The following FSHR variants were observed in gnomAD, a reference collection of about 807,000 sequenced individuals.
The protein encoded by FSHR is follicle-stimulating hormone receptor.
A neutral mutation model predicts 52.1 loss-of-function variants in FSHR; 46 were observed. The ratio of observed to expected loss-of-function variants is 0.88; its 90% confidence interval spans 0.70 to 1.13. The LOEUF is 1.13. FSHR is among the 50% of genes most tolerant of loss of function. The probability of loss-of-function intolerance (pLI) is 0.00; values close to 1 mark genes in which losing one functional copy is unlikely to be tolerated. For synonymous variants in FSHR, 399 were observed against 309.6 expected, an observed-to-expected ratio of 1.29 and a Z score of -3.03; for missense variants, 964 against 834.6, an observed-to-expected ratio of 1.16 and a Z score of -1.91.
intron 1 of FSHR, among the ~76,000 whole-genome samples, chr2:49,128,735 C>T (rs1672154219): frequency 6.6e-6 from 1 of 151,706 alleles, no homozygotes; most frequent in African/African-American, 2.4e-5. Context: ...AGGACAGAAA[C>T]AGCTAGCTGC....
intron 6 of FSHR, 72 bp downstream of exon 6, chr2:48,988,905 C>T: frequency 7.8e-7 from 1 of 1,284,862 alleles, no homozygotes; most frequent in East Asian, 2.4e-5. Context: ...AAAGGAGCAT[C>T]CAATTATGAG....
intron 2 of FSHR, among the ~76,000 whole-genome samples, chr2:49,033,117 T>C (rs1332432674): frequency 6.6e-6 from 1 of 152,186 alleles, no homozygotes; most frequent in Non-Finnish European, 1.5e-5. Context: ...GATACAGGAA[T>C]TACCATAGCA....
intron 1 of FSHR, among the ~76,000 whole-genome samples, chr2:49,101,114 T>A (rs1226483831): frequency 6.6e-6 from 1 of 152,146 alleles, no homozygotes; most frequent in Non-Finnish European, 1.5e-5. Flanking sequence ...GGGAAGACAT[T>A]TGATTGCACT....
chr2:49,114,381 C>A (rs1671528435), intron 1 of FSHR, among the ~76,000 whole-genome samples: 2 of 152,176 alleles, frequency 1.3e-5, no homozygotes, highest in Admixed American at 6.5e-5. Context: ...TTTTACATAA[C>A]ATGTCAGAAC....
chr2:48,985,968 C>A (rs1427561924), intron 6 of FSHR, among the ~76,000 whole-genome samples: 2 of 152,134 alleles, frequency 1.3e-5, no homozygotes, highest in Non-Finnish European at 2.9e-5. Flanking sequence ...CCGCCTCGGC[C>A]TCCCAAAGTG....
intron 2 of FSHR, among the ~76,000 whole-genome samples, chr2:49,064,482 G>A (rs1669432183): frequency 6.6e-6 from 1 of 151,992 alleles, no homozygotes; most frequent in South Asian, 2.1e-4. Flanking sequence ...ACCATGTGAG[G>A]ACTCAGCTAG....
At chr2:49,016,607 T>C (rs1300997630) in intron 4 of FSHR, among the ~76,000 whole-genome samples, 11 of 152,150 alleles carry the variant, frequency 7.2e-5, no homozygotes, top group Admixed American at 6.6e-4. Flanking sequence ...GATGTATAAA[T>C]GAACTTAGCT....
intron 1 of FSHR, among the ~76,000 whole-genome samples, chr2:49,113,648 C>T (rs1456245026): frequency 6.6e-6 from 1 of 151,970 alleles, no homozygotes; most frequent in Non-Finnish European, 1.5e-5. Flanking sequence ...TTATTTTCCC[C>T]CTAAACAATT....
intron 4 of FSHR, among the ~76,000 whole-genome samples, chr2:49,002,458 G>T (rs970828901): frequency 6.6e-6 from 1 of 152,070 alleles, no homozygotes; most frequent in African/African-American, 2.4e-5. Context: ...AAAGAGAGAG[G>T]TTTAATTGAC....
chr2:49,139,714 C>T lies in FSHR; in HGVS notation c.152+14552G>A, dbSNP rs534582471. On this transcript the variant is annotated intron_variant, in intron 1 of 9. Coordinates refer to ENST00000406846, the MANE Select transcript of FSHR (RefSeq NM_000145.4). ...CTGGGTTCACGCCATTCTCCTGCCT[C>T]AGCCTCCTGAGTAGCTGGGACTACA... Among the ~76,000 whole-genome samples, 10 of 151,750 alleles carry T rather than the reference C, an allele frequency of 6.6e-5. 1 individual carries two copies. Among genetic ancestry groups the T allele is most frequent in the African/African-American group, 2.4e-4 (10 of 41,318 alleles).
chr2:49,131,453 A>T (rs564240415), intron 1 of FSHR, among the ~76,000 whole-genome samples: 5 of 152,302 alleles, frequency 3.3e-5, no homozygotes, highest in East Asian at 1.9e-4. Flanking sequence ...TAAATAATCA[A>T]TTATTTGCTG....
At chr2:49,109,233 G>T (rs1398820576) in intron 1 of FSHR, among the ~76,000 whole-genome samples, 1 of 152,162 alleles carries the variant, frequency 6.6e-6, no homozygotes, top group Non-Finnish European at 1.5e-5. Context: ...ATGAGACTGG[G>T]AAGAGTGAGC....
intron 1 of FSHR, among the ~76,000 whole-genome samples, chr2:49,105,076 G>A (rs964558453): frequency 2.0e-5 from 3 of 151,976 alleles, no homozygotes; most frequent in Non-Finnish European, 4.4e-5. Context: ...TTCTGGACAG[G>A]GTGAGGGCAG....
chr2:49,084,428 T>C (rs1670297700), intron 1 of FSHR, among the ~76,000 whole-genome samples: 1 of 151,944 alleles, frequency 6.6e-6, no homozygotes, highest in Non-Finnish European at 1.5e-5. Context: ...ACATCACAAT[T>C]AAAGGAACTA....
At chr2:49,060,911 C>T (rs1272417038) in intron 2 of FSHR, among the ~76,000 whole-genome samples, 1 of 152,158 alleles carries the variant, frequency 6.6e-6, no homozygotes, top group Non-Finnish European at 1.5e-5. Flanking sequence ...CTAAGCCCCA[C>T]CATTCCAGGG....
In FSHR at chr2:48,962,900, G is replaced by A. The variant is rs1674294409; in HGVS notation, c.1921C>T (p.Leu641=). ...KNFRRDFFIL[L]SKCGCYEMQA... ...ATTTCATAGCAGCCACACTTGCTCA[G>A]CAGAATGAAGAAATCTCTGCGAAAG... is the stretch of plus-strand genomic sequence containing the variant. Residue 641 remains leucine, a synonymous_variant, in exon 10 of 10, where the codon CTG becomes TTG. Coordinates refer to ENST00000406846, the MANE Select transcript of FSHR (RefSeq NM_000145.4). The A allele has an allele frequency of 6.2e-7, 1 of 1,614,104 alleles. No individual in the cohort carries two copies. Among genetic ancestry groups the A allele is most frequent in the Non-Finnish European group, 8.5e-7 (1 of 1,180,002 alleles).
intron 4 of FSHR, among the ~76,000 whole-genome samples, chr2:48,993,131 C>A (rs1217762488): frequency 6.6e-6 from 1 of 151,890 alleles, no homozygotes; most frequent in Non-Finnish European, 1.5e-5. Context: ...CTTCTCTTTT[C>A]TATAGTCTCA....
chr2:49,110,480 TA>T (rs1211876909), intron 1 of FSHR, among the ~76,000 whole-genome samples: 2 of 152,170 alleles, frequency 1.3e-5, no homozygotes, highest in Non-Finnish European at 2.9e-5. Context: ...CGATATTCCA[TA>T]AAAGTAAATC....
chr2:49,011,821 C>T (rs144113542), intron 4 of FSHR, among the ~76,000 whole-genome samples: 2,262 of 152,186 alleles, frequency 0.015, 45 homozygotes, highest in African/African-American at 0.046. Flanking sequence ...CCTCTGTCCC[C>T]TTGCCGTGCT....
Sources: gnomAD v4.1 joint callset for allele counts (sites outside exome capture counted in the v4.1 genomes callset) on GRCh38, gnomAD v4.1.1 for gene constraint, MANE v1.5 for transcripts, NCBI Gene and HGNC (gene_info 2026-07-23, HGNC 2026-07-21) for gene names.